ZNF782: variants seen among roughly 807,000 people sequenced by gnomAD.
The protein encoded by ZNF782 is zinc finger protein 782.
A neutral mutation model predicts 13.0 loss-of-function variants in ZNF782; 12 were observed. The observed-to-expected ratio is 0.92, with a 90% CI of 0.59 to 1.50. The LOEUF is 1.50. ZNF782 is among the 40% of genes most tolerant of loss of function. The pLI, the probability that ZNF782 is intolerant of heterozygous loss-of-function variation, is 0.00. For synonymous variants in ZNF782, 284 were observed against 283.0 expected (o/e 1.00, Z -0.04); for missense variants, 770 against 822.9 (o/e 0.94, Z 0.79).
chr9:96,932,978 C>CTTTTTTT, the ZNF782 span, among the ~76,000 whole-genome samples: 7 of 129,440 alleles, frequency 5.4e-5, no homozygotes, highest in East Asian at 1.4e-3. Flanking sequence ...CTTTTCTTTT[C>CTTTTTTT]TTTTTTTTTT....
At chr9:96,876,527 C>G (rs1233532582), upstream of ZNF782, among the ~76,000 whole-genome samples, 1 of 152,100 alleles carries the variant, frequency 6.6e-6, no homozygotes. Flanking sequence ...CAAAGCAGCC[C>G]CTAGACGTTA....
intron 4 of ZNF782, among the ~76,000 whole-genome samples, chr9:96,835,847 C>T (rs2118595536): frequency 6.6e-6 from 1 of 152,316 alleles, no homozygotes; most frequent in South Asian, 2.1e-4. Flanking sequence ...TAGGGCAAGG[C>T]CAAGCAAAAA....
chr9:96,920,362 G>A, the ZNF782 span, among the ~76,000 whole-genome samples: 1 of 149,800 alleles, frequency 6.7e-6, no homozygotes, highest in Non-Finnish European at 1.5e-5. Context: ...TGCCTCCTGG[G>A]TTCATGCCAT....
intron 3 of ZNF782, among the ~76,000 whole-genome samples, chr9:96,848,014 T>C (rs773007060): frequency 2.0e-5 from 3 of 152,208 alleles, no homozygotes; most frequent in Admixed American, 1.3e-4. Flanking sequence ...TGGTTTAACA[T>C]ATGCAAGTAA....
the ZNF782 span, chr9:96,918,646 T>C: frequency 1.3e-5 from 2 of 153,406 alleles, no homozygotes; most frequent in South Asian, 2.1e-4. Context: ...CACTCACCGG[T>C]GCTGTGGGCT....
the ZNF782 span, among the ~76,000 whole-genome samples, chr9:96,921,882 C>T: frequency 1.3e-5 from 2 of 150,488 alleles, no homozygotes; most frequent in African/African-American, 2.4e-5. Flanking sequence ...TTAGTAGAGA[C>T]GGGGTTTCAC....
At chr9:96,836,066 T>A (rs1391864721) in intron 4 of ZNF782, among the ~76,000 whole-genome samples, 1 of 152,166 alleles carries the variant, frequency 6.6e-6, no homozygotes, top group Non-Finnish European at 1.5e-5. Context: ...ATCCAAGGGC[T>A]TGGAAGGCTA....
chr9:96,912,512 G>T, the ZNF782 span, among the ~76,000 whole-genome samples: 1 of 147,620 alleles, frequency 6.8e-6, no homozygotes. Context: ...AAAGGCCAGA[G>T]ATAAAAGGCT....
At chr9:96,879,595 G>C (rs556176680), upstream of ZNF782, among the ~76,000 whole-genome samples, 19 of 152,340 alleles carry the variant, frequency 1.2e-4, no homozygotes, top group African/African-American at 4.6e-4. Flanking sequence ...GAGACGCCCT[G>C]TGACTAGTGA....
At chr9:96,903,556 G>GTTTTTTTTTTTTTTT in the ZNF782 span, among the ~76,000 whole-genome samples, 1 of 75,462 alleles carries the variant, frequency 1.3e-5, no homozygotes, top group Non-Finnish European at 2.2e-5. Context: ...TTTTATGTTG[G>GTTTTTTTTTTTTTTT]TTTTTTTTTT....
chr9:96,892,823 AT>A, the ZNF782 span: 1 of 152,122 alleles, frequency 6.6e-6, no homozygotes, highest in African/African-American at 2.4e-5. Flanking sequence ...AAAAATGCAC[AT>A]ACAGGAATGT....
chr9:96,887,206 C>T, the ZNF782 span, among the ~76,000 whole-genome samples: 3 of 150,034 alleles, frequency 2.0e-5, no homozygotes, highest in Admixed American at 6.6e-5. Flanking sequence ...CCCAGCTACT[C>T]GGGAGGCTGA....
At chr9:96,901,037 G>A in the ZNF782 span, among the ~76,000 whole-genome samples, 1 of 148,950 alleles carries the variant, frequency 6.7e-6, no homozygotes, top group Admixed American at 6.6e-5. Flanking sequence ...GTGTGCGCCT[G>A]TAATCCCAGC....
chr9:96,833,823 A>C (rs577828925), intron 4 of ZNF782, among the ~76,000 whole-genome samples: 1 of 152,276 alleles, frequency 6.6e-6, no homozygotes, highest in South Asian at 2.1e-4. Context: ...TTATTTATTC[A>C]ATTATTTATA....
intron 4 of ZNF782, among the ~76,000 whole-genome samples, chr9:96,832,970 G>A (rs775985936): frequency 1.6e-4 from 25 of 151,852 alleles, no homozygotes; most frequent in Admixed American, 6.6e-4. Flanking sequence ...GTAGTTTCTG[G>A]GGTTCTGTTC....
the ZNF782 span, among the ~76,000 whole-genome samples, chr9:96,916,674 G>A: frequency 1.3e-5 from 2 of 151,990 alleles, no homozygotes; most frequent in East Asian, 1.9e-4. Context: ...TGCCTGCGGT[G>A]TGCAGCGGCT....
chr9:96,848,834 CATACGGA>C (rs1214270041), intron 3 of ZNF782, among the ~76,000 whole-genome samples: 1 of 152,142 alleles, frequency 6.6e-6, no homozygotes, highest in Non-Finnish European at 1.5e-5. Flanking sequence ...TCCTAAAATT[CATACGGA>C]ATAAAAAAGA....
the ZNF782 span, among the ~76,000 whole-genome samples, chr9:96,917,567 G>A: frequency 1.3e-5 from 2 of 151,646 alleles, no homozygotes; most frequent in East Asian, 3.9e-4. Flanking sequence ...AAGTAGCTGG[G>A]ATTACAGGCG....
the ZNF782 span, among the ~76,000 whole-genome samples, chr9:96,899,584 C>T: frequency 6.6e-6 from 1 of 152,204 alleles, no homozygotes; most frequent in Non-Finnish European, 1.5e-5. Context: ...GTTATGGAGG[C>T]TGAGAAATCC....
Sources: allele counts gnomAD v4.1 joint callset (sites outside exome capture counted in the v4.1 genomes callset), GRCh38; gene constraint gnomAD v4.1.1; transcripts MANE v1.5; gene names NCBI Gene and HGNC (gene_info 2026-07-23, HGNC 2026-07-21).